SOX5: variants seen among roughly 807,000 people sequenced by gnomAD.
SOX5 encodes the protein SRY-box transcription factor 5, also known as transcription factor SOX-5.
Under a neutral mutation model 92.0 loss-of-function variants are expected in SOX5, and 9 were observed. The observed-to-expected ratio is 0.10, with a 90% CI of 0.06 to 0.17. The LOEUF (loss-of-function observed/expected upper bound fraction) is 0.17, where lower values mean the gene tolerates loss of function less well. Ranked by LOEUF, SOX5 falls within the 10% of genes least tolerant of loss-of-function variation. The pLI, the probability that SOX5 is intolerant of heterozygous loss-of-function variation, is 1.00. For missense variants in SOX5, 642 were observed against 944.5 expected (o/e 0.68, Z 4.20); for synonymous variants, 344 against 336.3 (o/e 1.02, Z -0.25).
chr12:23,924,281 G>A (rs185918835), intron 1 of SOX5, among the ~76,000 whole-genome samples: 12 of 152,232 alleles, frequency 7.9e-5, no homozygotes, highest in Admixed American at 3.3e-4. Flanking sequence ...GATAGGCTAC[G>A]TTGTCACTAC....
In SOX5 at chr12:24,424,808, T is replaced by C. The variant is rs6487387; in HGVS notation, c.-250-56169A>G. 2.9e-5 allele frequency among the ~76,000 whole-genome samples: 4 copies of C among 138,440 alleles called. No homozygotes were observed. In the South Asian group the frequency reaches 7.1e-4, roughly 24 times the overall value. 90.8% of individuals were successfully genotyped at this position (138,440 alleles called of 152,430 possible). A position where few individuals can be genotyped will look rare whatever the true frequency, so the allele number is the denominator to read the frequency against. On this transcript the variant is annotated intron_variant, in intron 1 of 4. Coordinates refer to the SOX5 transcript ENST00000446891. ...CTCTTTTCTTTGTGAGTTTTTTTTTTGGGGGGGGGGGATGGCTGTTTTTCC... is the reference window on the plus strand; with the variant it reads ...CTCTTTTCTTTGTGAGTTTTTTTTTCGGGGGGGGGGGATGGCTGTTTTTCC...
At chr12:23,970,841 A>ATTTTTTTTTTTTTTTT (rs1555456188) in intron 4 of SOX5, among the ~76,000 whole-genome samples, 1 of 21,878 alleles carries the variant, frequency 4.6e-5, no homozygotes, top group Non-Finnish European at 1.0e-4. Context: ...TATATATATA[A>ATTTTTTTTTTTTTTTT]TTTTTTTTTT....
At chr12:23,801,431 C>T (rs989094211) in intron 3 of SOX5, among the ~76,000 whole-genome samples, 1 of 152,250 alleles carries the variant, frequency 6.6e-6, no homozygotes, top group South Asian at 2.1e-4. Context: ...AACTGAACCA[C>T]AGTGAACCCC....
At chr12:24,448,188 G>T (rs920094146) in intron 1 of SOX5, among the ~76,000 whole-genome samples, 49 of 151,982 alleles carry the variant, frequency 3.2e-4, no homozygotes, top group African/African-American at 9.4e-4. Flanking sequence ...CAAAACAAGT[G>T]CAAGGCAACT....
intron 3 of SOX5, among the ~76,000 whole-genome samples, chr12:23,774,880 A>G (rs566180608): frequency 6.6e-6 from 1 of 152,308 alleles, no homozygotes; most frequent in South Asian, 2.1e-4. Context: ...GATTTTTGTG[A>G]TATACATCTT....
intron 6 of SOX5, among the ~76,000 whole-genome samples, chr12:23,681,128 A>G (rs1265724740): frequency 6.6e-6 from 1 of 152,080 alleles, no homozygotes; most frequent in Non-Finnish European, 1.5e-5. Context: ...ATTAGCATGT[A>G]AAACAAGAGA....
At position 23,675,159 on chromosome 12, in the gene SOX5, C is replaced by T. The variant is rs971047821; in HGVS notation, c.811-9595G>A. Among the ~76,000 whole-genome samples the T allele has an allele frequency of 3.9e-5, 6 of 152,128 alleles. No homozygotes were observed. In the East Asian group the frequency reaches 7.7e-4, roughly 20 times the overall value. ...TTGAAATCATTCCCAAATATCTTGA[C>T]GTTGACTTGTTTCTTGCTGATATTT... On this transcript the variant is annotated intron_variant, in intron 6 of 14. Transcript: ENST00000451604.
At chr12:24,324,146 G>A (rs998214151) in intron 2 of SOX5, among the ~76,000 whole-genome samples, 2 of 151,880 alleles carry the variant, frequency 1.3e-5, no homozygotes, top group African/African-American at 4.8e-5. Context: ...TATTTCAAAC[G>A]TCATTTTGCT....
rs78587011 is a variant in SOX5, at chr12:23,993,049, A to G, written c.-1-97025T>C. ...TTAACTCTACTCAGAAGATTGAGACAGTTCCTCAAAAATTTACTTCATCCT... is the reference window on the plus strand; with the variant it reads ...TTAACTCTACTCAGAAGATTGAGACGGTTCCTCAAAAATTTACTTCATCCT... On this transcript the variant is annotated intron_variant, in intron 4 of 4. Transcript: ENST00000446891. Among the ~76,000 whole-genome samples the G allele has an allele frequency of 7.6e-3, 1,158 of 152,306 alleles. 3 individuals carry two copies. Among genetic ancestry groups the G allele is most frequent in the Non-Finnish European group, 0.014 (966 of 68,012 alleles).
chr12:23,676,003 C>T (rs562102784), intron 6 of SOX5, among the ~76,000 whole-genome samples: 20 of 151,946 alleles, frequency 1.3e-4, no homozygotes, highest in Non-Finnish European at 1.6e-4. Context: ...TGTTGGCAAG[C>T]GTATAGAGAA....
intron 1 of SOX5, among the ~76,000 whole-genome samples, chr12:23,935,160 C>T (rs901280611): frequency 6.6e-6 from 1 of 151,152 alleles, no homozygotes; most frequent in African/African-American, 2.4e-5. Context: ...TGCCTCGTTA[C>T]CATAAAGCTG....
At chr12:23,600,522 C>CGCATATATATATATAT (rs373296792) in intron 9 of SOX5, among the ~76,000 whole-genome samples, 1 of 39,802 alleles carries the variant, frequency 2.5e-5, no homozygotes, top group Admixed American at 2.9e-4. Flanking sequence ...GGGGGGGGTG[C>CGCATATATATATATAT]ATATATATAT....
intron 4 of SOX5, among the ~76,000 whole-genome samples, chr12:24,194,685 T>C (rs867044379): frequency 1.6e-4 from 25 of 152,232 alleles, no homozygotes; most frequent in African/African-American, 5.5e-4. Context: ...GTTTCCCACC[T>C]ACTGTATAAG....
chr12:24,208,191 G>C (rs1316417402), intron 4 of SOX5, among the ~76,000 whole-genome samples: 1 of 152,070 alleles, frequency 6.6e-6, no homozygotes, highest in Non-Finnish European at 1.5e-5. Context: ...GATTGCATTA[G>C]TATTCTATCT....
At chr12:23,949,139 C>A (rs1345554740) in intron 1 of SOX5, among the ~76,000 whole-genome samples, 1 of 152,066 alleles carries the variant, frequency 6.6e-6, no homozygotes, top group Non-Finnish European at 1.5e-5. Context: ...GTTTAAAGCA[C>A]CACTAAAACC....
intron 2 of SOX5, among the ~76,000 whole-genome samples, chr12:24,310,015 C>T (rs1949015302): frequency 6.6e-6 from 1 of 152,160 alleles, no homozygotes; most frequent in South Asian, 2.1e-4. Context: ...TATAAGGTAA[C>T]TCTCGAACTT....
intron 3 of SOX5, among the ~76,000 whole-genome samples, chr12:23,808,853 A>C (rs12826602): frequency 6.6e-6 from 1 of 152,158 alleles, no homozygotes; most frequent in African/African-American, 2.4e-5. Context: ...ATTCATACCA[A>C]CAGTTTCTAA....
chr12:23,873,802 GTTGT>G (rs1288415239), intron 2 of SOX5, among the ~76,000 whole-genome samples: 2 of 152,186 alleles, frequency 1.3e-5, no homozygotes, highest in Non-Finnish European at 2.9e-5. Context: ...GTGAATGATT[GTTGT>G]TTAAGAGATT....
intron 4 of SOX5, among the ~76,000 whole-genome samples, chr12:24,122,900 TAAG>T (rs926346632): frequency 1.3e-5 from 2 of 152,238 alleles, no homozygotes; most frequent in African/African-American, 4.8e-5. Flanking sequence ...GATGTTTACT[TAAG>T]GAGCTGAGAA....
Sources: allele counts gnomAD v4.1 joint callset (sites outside exome capture counted in the v4.1 genomes callset), GRCh38; gene constraint gnomAD v4.1.1; transcripts MANE v1.5; gene names NCBI Gene and HGNC (gene_info 2026-07-23, HGNC 2026-07-21).